Variants in NEGR1 observed in about 807,000 individuals in gnomAD.
The protein encoded by NEGR1 is IgLON family member 4.
A neutral mutation model predicts 40.9 loss-of-function variants in NEGR1; 10 were observed. That is an observed-to-expected ratio of 0.24 (90% CI 0.15 to 0.42). NEGR1 has a LOEUF of 0.42. NEGR1 is among the 10% of genes least tolerant of loss of function. The pLI, the probability that NEGR1 is intolerant of heterozygous loss-of-function variation, is 1.00. For missense variants in NEGR1, 352 were observed against 438.9 expected (o/e 0.80, Z 1.77); for synonymous variants, 185 against 166.8 (o/e 1.11, Z -0.84).
intron 4 of NEGR1, among the ~76,000 whole-genome samples, chr1:71,659,976 T>C (rs1652003600): frequency 6.6e-6 from 1 of 152,124 alleles, no homozygotes; most frequent in Non-Finnish European, 1.5e-5. Context: ...CATTACTGGG[T>C]ATATACCCAG....
At chr1:72,095,937 C>A (rs1648679782) in intron 1 of NEGR1, among the ~76,000 whole-genome samples, 2 of 152,152 alleles carry the variant, frequency 1.3e-5, no homozygotes, top group African/African-American at 4.8e-5. Flanking sequence ...CTTCCTCACT[C>A]CCACAGTCAA....
At chr1:71,840,440 G>T (rs1659198859) in intron 2 of NEGR1, among the ~76,000 whole-genome samples, 1 of 152,028 alleles carries the variant, frequency 6.6e-6, no homozygotes, top group African/African-American at 2.4e-5. Flanking sequence ...TCCTTCAAGG[G>T]TCTGTGTCCT....
At chr1:72,231,801 T>C (rs1269668209) in intron 1 of NEGR1, among the ~76,000 whole-genome samples, 1 of 152,082 alleles carries the variant, frequency 6.6e-6, no homozygotes, top group African/African-American at 2.4e-5. Context: ...TTGGGAAAAA[T>C]GGCAAATAGA....
intron 1 of NEGR1, among the ~76,000 whole-genome samples, chr1:72,154,176 G>A (rs1173675879): frequency 2.0e-5 from 3 of 151,800 alleles, no homozygotes; most frequent in African/African-American, 4.8e-5. Flanking sequence ...ATGTATACAC[G>A]CCAATAGGTT....
intron 2 of NEGR1, among the ~76,000 whole-genome samples, chr1:71,839,609 G>C (rs1019322457): frequency 1.3e-5 from 2 of 151,992 alleles, no homozygotes; most frequent in Non-Finnish European, 2.9e-5. Flanking sequence ...AAAATCAAGA[G>C]AGCAAAAAGT....
chr1:71,851,923 T>C (rs1174080362), intron 2 of NEGR1, among the ~76,000 whole-genome samples: 1 of 152,144 alleles, frequency 6.6e-6, no homozygotes. Flanking sequence ...AAGGTAAAAA[T>C]AGTTCCTTTT....
At chr1:71,613,672 A>C (rs1482198773) in intron 4 of NEGR1, among the ~76,000 whole-genome samples, 2 of 151,876 alleles carry the variant, frequency 1.3e-5, no homozygotes, top group East Asian at 3.9e-4. Context: ...AAAAAAAAAG[A>C]ATTTTGGAGG....
intron 1 of NEGR1, among the ~76,000 whole-genome samples, chr1:71,999,642 T>TAC (rs1646537417): frequency 2.8e-5 from 1 of 35,784 alleles, no homozygotes; most frequent in African/African-American, 7.2e-5. Flanking sequence ...AATATATATA[T>TAC]ATATATATAT....
chr1:71,441,205 C>A (rs955383477), intron 6 of NEGR1, among the ~76,000 whole-genome samples: 1 of 152,182 alleles, frequency 6.6e-6, no homozygotes, highest in African/African-American at 2.4e-5. Context: ...GGTCAACAAT[C>A]GCTCCAAAGT....
chr1:72,040,657 A>G (rs1569863921), intron 1 of NEGR1, among the ~76,000 whole-genome samples: 2 of 149,090 alleles, frequency 1.3e-5, no homozygotes, highest in South Asian at 2.2e-4. Flanking sequence ...AAAGAAAAGG[A>G]ATTGGGTTTG....
At chr1:71,740,093 T>A (rs1655169357) in intron 3 of NEGR1, among the ~76,000 whole-genome samples, 2 of 152,196 alleles carry the variant, frequency 1.3e-5, no homozygotes, top group African/African-American at 4.8e-5. Flanking sequence ...ATCTGCGACT[T>A]CCCTGGAATT....
intron 2 of NEGR1, among the ~76,000 whole-genome samples, chr1:71,860,535 T>C (rs548981826): frequency 6.6e-6 from 1 of 152,060 alleles, no homozygotes; most frequent in African/African-American, 2.4e-5. Context: ...CAAAGTCTAA[T>C]AAAATTATGT....
At chr1:71,628,469 G>T (rs1650860736) in intron 4 of NEGR1, among the ~76,000 whole-genome samples, 1 of 151,912 alleles carries the variant, frequency 6.6e-6, no homozygotes. Context: ...GAACATGCAG[G>T]TTTGTTACAT....
intron 6 of NEGR1, among the ~76,000 whole-genome samples, chr1:71,559,940 T>G (rs1187739892): frequency 1.3e-5 from 2 of 151,460 alleles, no homozygotes; most frequent in Non-Finnish European, 3.0e-5. Flanking sequence ...CCTTACTTTC[T>G]CCTAGTCTCC....
chr1:71,933,576 A>T (rs1645875151), intron 2 of NEGR1, among the ~76,000 whole-genome samples: 1 of 152,038 alleles, frequency 6.6e-6, no homozygotes, highest in South Asian at 2.1e-4. Flanking sequence ...ATTAAGCTTG[A>T]ATAACATAAG....
chr1:71,798,484 A>G (rs1338638336), intron 2 of NEGR1, among the ~76,000 whole-genome samples: 1 of 152,238 alleles, frequency 6.6e-6, no homozygotes, highest in Non-Finnish European at 1.5e-5. Flanking sequence ...AATAACTAGC[A>G]TTAATTATAT....
intron 1 of NEGR1, among the ~76,000 whole-genome samples, chr1:71,950,581 CA>C (rs1333131797): frequency 6.6e-6 from 1 of 151,938 alleles, no homozygotes; most frequent in African/African-American, 2.4e-5. Context: ...GTGAAGCTGT[CA>C]AAATCTTTTA....
intron 1 of NEGR1, among the ~76,000 whole-genome samples, chr1:72,167,331 C>T (rs1423515894): frequency 1.3e-5 from 2 of 152,018 alleles, no homozygotes; most frequent in Non-Finnish European, 2.9e-5. Context: ...CTTTAACATA[C>T]TCCTATTTAT....
chr1:71,824,357 TAAA>T (rs200928785), intron 2 of NEGR1, among the ~76,000 whole-genome samples: 2 of 143,222 alleles, frequency 1.4e-5, no homozygotes, highest in Non-Finnish European at 3.1e-5. Context: ...GATAAGATCA[TAAA>T]AAAAAAAACT....
Sources: gnomAD v4.1 joint callset for allele counts (sites outside exome capture counted in the v4.1 genomes callset) on GRCh38, gnomAD v4.1.1 for gene constraint, MANE v1.5 for transcripts, NCBI Gene and HGNC (gene_info 2026-07-23, HGNC 2026-07-21) for gene names.